The following MYO3B variants were observed in gnomAD, a reference collection of about 807,000 sequenced individuals.
The protein encoded by MYO3B is myosin-IIIb.
In MYO3B, 156 loss-of-function variants were observed where a neutral mutation model predicts 174.6. That is an observed-to-expected ratio of 0.89 (90% CI 0.78 to 1.02). MYO3B has a LOEUF of 1.02. MYO3B is among the 50% of genes least tolerant of loss of function. The probability of loss-of-function intolerance (pLI) is 0.00; values close to 1 mark genes in which losing one functional copy is unlikely to be tolerated. For synonymous variants in MYO3B, 563 were observed against 569.1 expected, an observed-to-expected ratio of 0.99 and a Z score of 0.15; for missense variants, 1,632 against 1,639.4, an observed-to-expected ratio of 1.00 and a Z score of 0.08.
At chr2:170,503,536 T>C (rs967820939) in intron 28 of MYO3B, among the ~76,000 whole-genome samples, 5 of 151,888 alleles carry the variant, frequency 3.3e-5, no homozygotes, top group African/African-American at 1.2e-4. Flanking sequence ...TCCTTTTTTT[T>C]AGCCTTGCAA....
rs750852996 is a variant in MYO3B, at chr2:170,653,066, CCCACCCTT to C, written c.3974_3981del (p.His1325LeufsTer20). On this transcript the variant is annotated frameshift_variant, in exon 35 of 35. Transcript: ENST00000408978. LOFTEE classifies it high-confidence loss of function. ...TGTATCCCTGAGGAGAACAACTCAG[CCCACCCTT>C]CCTTTTTTTCTTCATCCTCAAAAGG... is the stretch of plus-strand genomic sequence containing the variant. 1 of 1,614,106 alleles carries C rather than the reference CCCACCCTT, an allele frequency of 6.2e-7. No individual in the cohort carries two copies. Among genetic ancestry groups the C allele is most frequent in the South Asian group, 1.1e-5 (1 of 91,078 alleles).
intron 7 of MYO3B, among the ~76,000 whole-genome samples, chr2:170,276,634 G>A (rs947912124): frequency 6.6e-6 from 1 of 152,134 alleles, no homozygotes; most frequent in African/African-American, 2.4e-5. Context: ...CTAAAGTGAT[G>A]ACCATCAAAA....
chr2:170,521,718 C>T (rs925055115), intron 30 of MYO3B, among the ~76,000 whole-genome samples: 4 of 151,914 alleles, frequency 2.6e-5, no homozygotes, highest in African/African-American at 7.3e-5. Context: ...ATACCTCCCC[C>T]CATACTAAAA....
intron 22 of MYO3B, among the ~76,000 whole-genome samples, chr2:170,432,776 C>T (rs548146660): frequency 4.6e-5 from 7 of 152,122 alleles, no homozygotes; most frequent in African/African-American, 1.2e-4. Flanking sequence ...AGGGTTTCAC[C>T]GTGTTAGCCA....
At chr2:170,532,104 G>A (rs188001468) in intron 30 of MYO3B, among the ~76,000 whole-genome samples, 175 of 152,262 alleles carry the variant, frequency 1.1e-3, no homozygotes, top group African/African-American at 3.8e-3. Flanking sequence ...CAAACTGACA[G>A]CATGTGCCTC....
intron 23 of MYO3B, among the ~76,000 whole-genome samples, chr2:170,461,919 C>T (rs2105955223): frequency 6.6e-6 from 1 of 152,340 alleles, no homozygotes; most frequent in East Asian, 1.9e-4. Flanking sequence ...TAGCCAAAGG[C>T]TGGCCCTAGC....
At chr2:170,450,439 G>T (rs1361949521) in intron 23 of MYO3B, among the ~76,000 whole-genome samples, 1 of 152,108 alleles carries the variant, frequency 6.6e-6, no homozygotes, top group Non-Finnish European at 1.5e-5. Context: ...TAGCCAAAAT[G>T]ATAACCCAGA....
intron 32 of MYO3B, among the ~76,000 whole-genome samples, chr2:170,596,981 G>T (rs780510104): frequency 2.6e-5 from 4 of 152,078 alleles, no homozygotes; most frequent in Admixed American, 1.3e-4. Context: ...ATATGGCTGG[G>T]GTGGGGAATC....
intron 7 of MYO3B, among the ~76,000 whole-genome samples, chr2:170,275,284 CA>C (rs2093456296): frequency 6.6e-6 from 1 of 152,150 alleles, no homozygotes; most frequent in South Asian, 2.1e-4. Context: ...GTTGCATTCC[CA>C]AATGTATTTG....
intron 7 of MYO3B, among the ~76,000 whole-genome samples, chr2:170,314,209 G>A (rs2093758901): frequency 6.6e-6 from 1 of 152,176 alleles, no homozygotes; most frequent in Admixed American, 6.5e-5. Flanking sequence ...GAAGGACCTT[G>A]AGCCAGGTCC....
At chr2:170,423,335 T>G (rs1012041207) in intron 22 of MYO3B, among the ~76,000 whole-genome samples, 1 of 152,104 alleles carries the variant, frequency 6.6e-6, no homozygotes, top group African/African-American at 2.4e-5. Flanking sequence ...GTAGCATGAC[T>G]GCAGAGGATC....
chr2:170,487,483 A>G (rs140613895), intron 25 of MYO3B, among the ~76,000 whole-genome samples: 22 of 152,374 alleles, frequency 1.4e-4, no homozygotes, highest in Admixed American at 6.5e-4. Context: ...ATGGAGATGA[A>G]AAACCAATTT....
chr2:170,498,643 G>C lies in MYO3B; in HGVS notation c.3066G>C (p.Glu1022Asp). 6.2e-7 allele frequency: 1 copy of C among 1,614,146 alleles called. No homozygotes were observed. Among genetic ancestry groups the C allele is most frequent in the Admixed American group, 1.7e-5 (1 of 60,020 alleles). ...TAHQTPLASK[E>D]SCVAILEKSR... ...ATCAAACACCTCTTGCTAGCAAAGA[G>C]AGCTGTGTGGCTATCTTGGAAAAGT... The change falls in exon 26 of 35, where the codon GAG becomes GAC. Residue 1022 changes from glutamate to aspartate, a missense_variant. Transcript: ENST00000408978.
At chr2:170,388,181 T>C (rs1275066169) in intron 14 of MYO3B, among the ~76,000 whole-genome samples, 1 of 152,152 alleles carries the variant, frequency 6.6e-6, no homozygotes, top group Non-Finnish European at 1.5e-5. Context: ...TGCTGTGCTT[T>C]GTGTTGGCTT....
chr2:170,619,147 A>G (rs980830146), intron 32 of MYO3B, among the ~76,000 whole-genome samples: 2 of 152,198 alleles, frequency 1.3e-5, no homozygotes, highest in African/African-American at 4.8e-5. Context: ...TATCTTATCC[A>G]TATGGACAGG....
intron 7 of MYO3B, among the ~76,000 whole-genome samples, chr2:170,289,525 C>G (rs185311639): frequency 1.4e-4 from 22 of 151,910 alleles, no homozygotes; most frequent in Non-Finnish European, 2.9e-4. Context: ...TCTCTGATGA[C>G]TCTGTATTTA....
In MYO3B at chr2:170,511,217, G is replaced by A. The variant is rs191204428; in HGVS notation, c.3371-3704G>A. On this transcript the variant is annotated intron_variant, in intron 28 of 34. Transcript: ENST00000408978. ...TGGGACTACAGGCGCCCGCCACCAC[G>A]CCCAGCTAATTTTTTTTTTTTTGTA... Among the ~76,000 whole-genome samples the A allele has an allele frequency of 4.3e-3, 646 of 150,968 alleles. 22 individuals are homozygous for A. In the East Asian group the frequency reaches 0.078, roughly 18 times the overall value.
intron 6 of MYO3B, among the ~76,000 whole-genome samples, chr2:170,230,628 C>CA (rs142622973): frequency 0.029 from 4,360 of 151,770 alleles, 241 homozygotes; most frequent in African/African-American, 0.1. Context: ...ATTTTCAAGA[C>CA]AAAAAAACAT....
chr2:170,180,274 T>G (rs2092381665), intron 1 of MYO3B: 1 of 328,706 alleles, frequency 3.0e-6, no homozygotes, highest in South Asian at 2.2e-5. Context: ...TAAAACTAGC[T>G]CACGAGAAAC....
Sources: gnomAD v4.1 joint callset for allele counts (sites outside exome capture counted in the v4.1 genomes callset) on GRCh38, gnomAD v4.1.1 for gene constraint, MANE v1.5 for transcripts, NCBI Gene and HGNC (gene_info 2026-07-23, HGNC 2026-07-21) for gene names.